CPVL: variants seen among roughly 807,000 people sequenced by gnomAD.
The protein encoded by CPVL is probable serine carboxypeptidase CPVL.
In CPVL, 51 loss-of-function variants were observed where a neutral mutation model predicts 63.7. The ratio of observed to expected loss-of-function variants is 0.80; its 90% CI spans 0.64 to 1.01. CPVL has a LOEUF of 1.01. Ranked by LOEUF, CPVL falls within the 50% of genes least tolerant of loss-of-function variation. CPVL has a pLI of 0.00. For synonymous variants in CPVL, 195 were observed against 206.0 expected (o/e 0.95, Z 0.46); for missense variants, 530 against 573.1 (o/e 0.92, Z 0.77).
chr7:29,108,961 A>G (rs985060646), intron 3 of CPVL, among the ~76,000 whole-genome samples: 3 of 152,192 alleles, frequency 2.0e-5, no homozygotes, highest in Non-Finnish European at 4.4e-5. Context: ...GCCTAATTTT[A>G]TATTCCAGTT....
At chr7:29,153,821 C>T (rs928540850) in intron 5 of CPVL, among the ~76,000 whole-genome samples, 9 of 152,160 alleles carry the variant, frequency 5.9e-5, no homozygotes, top group East Asian at 1.9e-4. Context: ...CTACCTGCCT[C>T]GGCCTCTCTA....
intron 7 of CPVL, among the ~76,000 whole-genome samples, chr7:29,075,312 A>G (rs1375378203): frequency 7.2e-5 from 11 of 152,156 alleles, no homozygotes; most frequent in Non-Finnish European, 8.8e-5. Context: ...GAGCATTACT[A>G]TGAGCCAGGC....
At chr7:29,035,690 G>A (rs1243988615) in intron 11 of CPVL, among the ~76,000 whole-genome samples, 1 of 152,160 alleles carries the variant, frequency 6.6e-6, no homozygotes, top group Non-Finnish European at 1.5e-5. Context: ...TAAAACCGAT[G>A]GACAATTACA....
chr7:29,194,295 G>C (rs1178783234), intron 1 of CPVL: 1 of 146,990 alleles, frequency 6.8e-6, no homozygotes, highest in Non-Finnish European at 1.5e-5. Flanking sequence ...CCGGGGACCC[G>C]GTCCCCCGTC....
intron 12 of CPVL, among the ~76,000 whole-genome samples, chr7:29,004,591 G>A (rs1446160361): frequency 2.6e-5 from 4 of 152,206 alleles, no homozygotes; most frequent in African/African-American, 9.6e-5. Flanking sequence ...ATGGTTAAGA[G>A]CACGGACTTG....
At chr7:29,101,322 T>C (rs902148052) in intron 3 of CPVL, among the ~76,000 whole-genome samples, 8 of 152,226 alleles carry the variant, frequency 5.3e-5, no homozygotes, top group African/African-American at 1.9e-4. Context: ...AAAATGTGGC[T>C]GGGCGCGGTG....
intron 1 of CPVL, among the ~76,000 whole-genome samples, chr7:29,142,528 C>T (rs372077219): frequency 4.7e-5 from 6 of 127,632 alleles, no homozygotes; most frequent in Admixed American, 1.6e-4. Context: ...CTTCCAGATA[C>T]TTTTTTTTTT....
chr7:29,102,825 T>C (rs1404182759), intron 3 of CPVL, among the ~76,000 whole-genome samples: 2 of 152,202 alleles, frequency 1.3e-5, no homozygotes, highest in African/African-American at 4.8e-5. Context: ...AGAGAAGTTA[T>C]CTATTCTGCC....
rs1183639860 is a variant in CPVL at position 29,120,819 on chromosome 7, A to C, written c.169+74T>G. On this transcript the variant is annotated intron_variant, in intron 2 of 12. Transcript: ENST00000265394. ...CTAGTGACAGGCGAGACTTCGTCTCAAAAAAAAAAAAAAAAAAAAGAGAAA... is the reference window on the plus strand; with the variant it reads ...CTAGTGACAGGCGAGACTTCGTCTCCAAAAAAAAAAAAAAAAAAAGAGAAA... 43 of 131,148 alleles carry C rather than the reference A, an allele frequency of 3.3e-4. 1 individual carries two copies. In the South Asian group the frequency reaches 6.5e-3, roughly 20 times the overall value. The allele number at this position is 131,148 out of a possible 1,614,324, so 8.1% of individuals were successfully genotyped here.
chr7:29,137,695 A>T (rs929336406), intron 1 of CPVL, among the ~76,000 whole-genome samples: 5 of 152,344 alleles, frequency 3.3e-5, no homozygotes, highest in African/African-American at 1.2e-4. Context: ...CATTAAAAGG[A>T]AAACCTTACC....
chr7:29,028,153 C>T (rs1051582230), intron 12 of CPVL, among the ~76,000 whole-genome samples: 3 of 152,088 alleles, frequency 2.0e-5, no homozygotes, highest in Non-Finnish European at 2.9e-5. Context: ...TATTTATAGC[C>T]AAATAATCTC....
rs1210591538 is a variant in CPVL, at chr7:29,127,180, T to C, written c.-10-6109A>G. Among the ~76,000 whole-genome samples the C allele has an allele frequency of 2.6e-5, 4 of 152,172 alleles. No individual in the cohort carries two copies. The East Asian group carries it at 7.7e-4, about 29-fold the overall frequency. On this transcript the variant is annotated intron_variant, in intron 1 of 12. Transcript: ENST00000265394. ...TGACACCACAGTCTAGAGCTTTTCC[T>C]TGAAATCCCACTCCAACCAGAAGGG...
At chr7:28,994,986 G>T (rs1783936683), downstream of CPVL, among the ~76,000 whole-genome samples, 2 of 152,038 alleles carry the variant, frequency 1.3e-5, no homozygotes, top group Admixed American at 6.5e-5. Context: ...ATATATTGAT[G>T]CCAGCTTATC....
chr7:29,166,623 T>C (rs949626620), intron 5 of CPVL, among the ~76,000 whole-genome samples: 1 of 152,220 alleles, frequency 6.6e-6, no homozygotes, highest in African/African-American at 2.4e-5. Flanking sequence ...TTGTCCATTT[T>C]ATCTAAGTTG....
intron 11 of CPVL, among the ~76,000 whole-genome samples, chr7:29,062,065 C>T (rs1782660877): frequency 6.6e-6 from 1 of 152,086 alleles, no homozygotes; most frequent in African/African-American, 2.4e-5. Flanking sequence ...CTTAACATCA[C>T]ATTACAGAAC....
chr7:29,078,057 A>G (rs568400878), intron 7 of CPVL, among the ~76,000 whole-genome samples: 3 of 152,318 alleles, frequency 2.0e-5, no homozygotes, highest in Admixed American at 2.0e-4. Context: ...AACTTCCTAG[A>G]CATTTCCAGA....
chr7:29,119,058 C>G (rs1789071498), intron 2 of CPVL, among the ~76,000 whole-genome samples: 2 of 152,240 alleles, frequency 1.3e-5, no homozygotes, highest in African/African-American at 4.8e-5. Context: ...GCCACTACCC[C>G]ATTTTTCTGC....
At chr7:29,046,981 G>T (rs895302638) in intron 11 of CPVL, among the ~76,000 whole-genome samples, 12 of 152,184 alleles carry the variant, frequency 7.9e-5, no homozygotes, top group Non-Finnish European at 1.6e-4. Flanking sequence ...GGTACTTGAG[G>T]TGGTGGATTA....
chr7:29,066,214 C>T, intron 9 of CPVL, 93 bp from the exon 10 acceptor site: 1 of 715,088 alleles, frequency 1.4e-6, no homozygotes, highest in Non-Finnish European at 2.4e-6. Flanking sequence ...TATTCAACAA[C>T]TTTTTCATTC....
Sources: allele counts gnomAD v4.1 joint callset (sites outside exome capture counted in the v4.1 genomes callset), GRCh38; gene constraint gnomAD v4.1.1; transcripts MANE v1.5; gene names NCBI Gene and HGNC (gene_info 2026-07-23, HGNC 2026-07-21).